Variants in LRBA observed in about 807,000 individuals in gnomAD.
LRBA encodes LPS responsive beige-like anchor protein.
Under a neutral mutation model 330.0 loss-of-function variants are expected in LRBA, and 176 were observed. The observed-to-expected ratio is 0.53, with a 90% CI of 0.47 to 0.60. The LOEUF (loss-of-function observed/expected upper bound fraction) is 0.60. Among genes scored for constraint, LRBA ranks in the 20% least tolerant of loss-of-function variants. LRBA has a pLI of 0.00. For missense variants in LRBA, 3,259 were observed against 3,444.8 expected (o/e 0.95, Z 1.35); for synonymous variants, 1,230 against 1,193.0 (o/e 1.03, Z -0.64).
chr4:150,382,644 C>T (rs572216979), intron 47 of LRBA, among the ~76,000 whole-genome samples: 2 of 150,102 alleles, frequency 1.3e-5, no homozygotes, highest in Non-Finnish European at 3.0e-5. Context: ...AAAAGAAGAC[C>T]AGGCTCTGAA....
At chr4:150,564,702 C>T (rs919107131) in intron 40 of LRBA, among the ~76,000 whole-genome samples, 2 of 151,870 alleles carry the variant, frequency 1.3e-5, no homozygotes, top group African/African-American at 4.8e-5. Context: ...AAAAAACAAC[C>T]CCATCAAAAA....
chr4:150,294,716 C>T (rs1319411538), intron 53 of LRBA, among the ~76,000 whole-genome samples: 2 of 152,114 alleles, frequency 1.3e-5, no homozygotes, highest in Admixed American at 6.5e-5. Flanking sequence ...CTTTGGGAGG[C>T]CAAGGTGGGC....
chr4:150,859,836 G>A (rs990391281), intron 22 of LRBA, among the ~76,000 whole-genome samples: 3 of 152,050 alleles, frequency 2.0e-5, no homozygotes, highest in African/African-American at 7.2e-5. Flanking sequence ...TTATAAATTT[G>A]GGATATTGAG....
chr4:150,605,078 C>T (rs997992540), intron 37 of LRBA, among the ~76,000 whole-genome samples: 10 of 152,116 alleles, frequency 6.6e-5, no homozygotes, highest in South Asian at 2.1e-4. Flanking sequence ...CCATTAAGTT[C>T]GCATTGCTAT....
At chr4:150,869,395 T>C (rs1415545019) in intron 20 of LRBA, among the ~76,000 whole-genome samples, 1 of 152,084 alleles carries the variant, frequency 6.6e-6, no homozygotes, top group Non-Finnish European at 1.5e-5. Context: ...CTCCAGAATT[T>C]AGCTTAAATT....
chr4:150,790,289 C>T (rs1393106496), intron 34 of LRBA, among the ~76,000 whole-genome samples: 1 of 152,136 alleles, frequency 6.6e-6, no homozygotes, highest in Non-Finnish European at 1.5e-5. Context: ...TTTTCTAAAT[C>T]CTAGTGTGCT....
chr4:150,522,160 T>C (rs112589122), intron 40 of LRBA, among the ~76,000 whole-genome samples: 1,539 of 152,124 alleles, frequency 0.01, 24 homozygotes, highest in African/African-American at 0.035. Context: ...GCCCCAAGGA[T>C]GGTGTCATCT....
intron 40 of LRBA, among the ~76,000 whole-genome samples, chr4:150,523,184 T>C (rs1415375411): frequency 6.6e-6 from 1 of 152,212 alleles, no homozygotes; most frequent in African/African-American, 2.4e-5. Flanking sequence ...GTGTTTTGCA[T>C]GTGAGGTTGA....
chr4:150,720,230 A>C (rs1560726284), intron 36 of LRBA, among the ~76,000 whole-genome samples: 1 of 152,164 alleles, frequency 6.6e-6, no homozygotes. Flanking sequence ...AACATATAGC[A>C]CCAATCAATC....
intron 37 of LRBA, among the ~76,000 whole-genome samples, chr4:150,639,340 C>T (rs1334641375): frequency 8.0e-6 from 1 of 124,932 alleles, no homozygotes; most frequent in Non-Finnish European, 1.7e-5. Context: ...TGCACATGTA[C>T]CCTAAAACTT....
intron 33 of LRBA, among the ~76,000 whole-genome samples, chr4:150,805,446 GGGAAAGGAAA>G (rs75535803): frequency 0.17 from 6,744 of 39,984 alleles, 750 homozygotes; most frequent in African/African-American, 0.3. Flanking sequence ...AGGAAGGAAA[GGGAAAGGAAA>G]GGAAAGGAAA....
chr4:150,524,442 T>C (rs190323363), intron 40 of LRBA, among the ~76,000 whole-genome samples: 4 of 152,270 alleles, frequency 2.6e-5, no homozygotes, highest in Admixed American at 2.6e-4. Flanking sequence ...ATCCTGGACT[T>C]TCCAAGGGAT....
chr4:150,301,932 C>A (rs1729727023), intron 53 of LRBA, among the ~76,000 whole-genome samples: 1 of 152,230 alleles, frequency 6.6e-6, no homozygotes, highest in African/African-American at 2.4e-5. Flanking sequence ...CAGGTGGTCC[C>A]TTTAATTGTT....
intron 11 of LRBA, among the ~76,000 whole-genome samples, chr4:150,907,774 A>G (rs1001911070): frequency 2.0e-5 from 3 of 152,166 alleles, no homozygotes; most frequent in Non-Finnish European, 4.4e-5. Context: ...GACTTACCCT[A>G]TAACTTATAT....
chr4:150,982,512 A>C (rs1163590365), intron 2 of LRBA, among the ~76,000 whole-genome samples: 1 of 152,072 alleles, frequency 6.6e-6, no homozygotes, highest in Non-Finnish European at 1.5e-5. Context: ...GTAAGAAGAC[A>C]ATTCAACTGT....
intron 36 of LRBA, among the ~76,000 whole-genome samples, chr4:150,718,350 T>C (rs1206388009): frequency 6.6e-6 from 1 of 152,140 alleles, no homozygotes; most frequent in Non-Finnish European, 1.5e-5. Flanking sequence ...TGACAACATC[T>C]TTTTTTGCAG....
chr4:150,338,756 C>CT (rs1271719015), intron 48 of LRBA, among the ~76,000 whole-genome samples: 1 of 151,998 alleles, frequency 6.6e-6, no homozygotes, highest in African/African-American at 2.4e-5. Flanking sequence ...GTAGCAGAGG[C>CT]TTTTTTTCTT....
chr4:150,547,647 T>C (rs894895797), intron 40 of LRBA, among the ~76,000 whole-genome samples: 1 of 152,120 alleles, frequency 6.6e-6, no homozygotes, highest in African/African-American at 2.4e-5. Context: ...ATGGAACCTT[T>C]AATTGGATTG....
At chr4:151,001,530 G>C (rs1743328345) in intron 2 of LRBA, among the ~76,000 whole-genome samples, 1 of 151,948 alleles carries the variant, frequency 6.6e-6, no homozygotes. Context: ...CACCTATCCT[G>C]AGGATAGGGC....
Sources: allele counts gnomAD v4.1 joint callset (sites outside exome capture counted in the v4.1 genomes callset), GRCh38; gene constraint gnomAD v4.1.1; transcripts MANE v1.5; gene names NCBI Gene and HGNC (gene_info 2026-07-23, HGNC 2026-07-21).